PDGFRB: variants seen among roughly 807,000 people sequenced by gnomAD.
PDGFRB encodes the protein platelet derived growth factor receptor beta, also known as platelet-derived growth factor receptor beta.
In PDGFRB, 42 loss-of-function variants were observed where a neutral mutation model predicts 120.2. The ratio of observed to expected loss-of-function variants is 0.35; its 90% CI spans 0.27 to 0.45. PDGFRB has a LOEUF of 0.45. PDGFRB is among the 20% of genes least tolerant of loss of function. The pLI, the probability that PDGFRB is intolerant of heterozygous loss-of-function variation, is 1.00. For missense variants in PDGFRB, 1,149 were observed against 1,476.3 expected (o/e 0.78, Z 3.63); for synonymous variants, 586 against 606.8 (o/e 0.97, Z 0.50).
chr5:150,139,764 G>A (rs551703797), intron 1 of PDGFRB, among the ~76,000 whole-genome samples: 1 of 152,078 alleles, frequency 6.6e-6, no homozygotes, highest in Non-Finnish European at 1.5e-5. Flanking sequence ...GGCGGATCAC[G>A]AGGTTGAGAG....
intron 9 of PDGFRB, 52 bp from the exon 10 acceptor site, chr5:150,130,020 G>T: frequency 1.5e-6 from 2 of 1,371,302 alleles, no homozygotes; most frequent in South Asian, 1.2e-5. Context: ...CTTGCAGACA[G>T]GGAAACTGAG....
At position 150,114,265 on chromosome 5, in the gene PDGFRB, T is replaced by TG. The variant is rs1759850805; in HGVS notation, c.*1497dup. The TG allele has an allele frequency of 4.3e-6, 1 of 233,076 alleles. No individual in the cohort carries two copies. The highest frequency in any genetic ancestry group is 2.2e-5 in the African/African-American group (1 of 45,356). 14.4% of individuals were successfully genotyped at this position (233,076 alleles called of 1,614,324 possible). A position where few individuals can be genotyped will look rare whatever the true frequency, so the allele number is the denominator to read the frequency against. On this transcript the variant is annotated 3_prime_UTR_variant, in exon 23 of 23. Transcript: ENST00000261799. ...CCCCCATGGAGCGCTGCCTCAGGGATGGGGCAGCTGGTGGGTGAGGGGCAA... is the reference window on the plus strand; with the variant it reads ...CCCCCATGGAGCGCTGCCTCAGGGATGGGGGCAGCTGGTGGGTGAGGGGCAA...
chr5:150,148,217 C>T (rs1024045898), intron 1 of PDGFRB, among the ~76,000 whole-genome samples: 3 of 152,216 alleles, frequency 2.0e-5, no homozygotes, highest in African/African-American at 7.2e-5. Flanking sequence ...GAACTTTTGT[C>T]TTAGTCCTTT....
At position 150,124,878 on chromosome 5, in the gene PDGFRB, AC is replaced by A. The variant is rs58779301; in HGVS notation, c.1808-48del. 2,137 of 934,540 alleles carry A rather than the reference AC, an allele frequency of 2.3e-3. 36 individuals carry two copies. In the African/African-American group the frequency reaches 0.03, roughly 13 times the overall value. 57.9% of individuals were successfully genotyped at this position (934,540 alleles called of 1,614,324 possible). A position where few individuals can be genotyped will look rare whatever the true frequency, so the allele number is the denominator to read the frequency against. ...AGCTCCTGGCCTACCAGGAAGCTGC[AC>A]CGCTCCCCCAGCTGCCCCCCTCCCC... On this transcript the variant is annotated intron_variant, in intron 12 of 22. Transcript: ENST00000261799.
intron 15 of PDGFRB, 138 bp downstream of exon 15, chr5:150,122,904 G>T: frequency 1.3e-6 from 1 of 746,934 alleles, no homozygotes; most frequent in Non-Finnish European, 2.2e-6. Flanking sequence ...ACCATCTTGT[G>T]GAACAGCCCT....
rs750248892 is a variant in PDGFRB, at chr5:150,129,950, C to G, written c.1386G>C (p.Pro462=). Residue 462 remains proline, a synonymous_variant, in exon 10 of 23, where the codon CCG becomes CCC. Coordinates refer to ENST00000261799, the MANE Select transcript of PDGFRB (RefSeq NM_002609.4). ...RDLKRCPREL[P]PTLLGNSSEE... ...CGGAACTGTTCCCCAGCAGCGTGGGCGGCAGCTCACGTGGACACCTGCCAG... is the reference window on the plus strand; with the variant it reads ...CGGAACTGTTCCCCAGCAGCGTGGGGGGCAGCTCACGTGGACACCTGCCAG... 1.9e-6 allele frequency: 3 copies of G among 1,613,810 alleles called. No individual in the cohort carries two copies. Among genetic ancestry groups the G allele is most frequent in the South Asian group, 2.2e-5 (2 of 91,086 alleles).
intron 9 of PDGFRB, 41 bp from the exon 10 acceptor site, chr5:150,130,009 C>G (rs2113903195): frequency 6.7e-7 from 1 of 1,489,490 alleles, no homozygotes; most frequent in Non-Finnish European, 9.3e-7. Flanking sequence ...AGCCCCTTCC[C>G]CTTGCAGACA....
At chr5:150,147,369 G>C (rs538908748) in intron 1 of PDGFRB, among the ~76,000 whole-genome samples, 9 of 152,344 alleles carry the variant, frequency 5.9e-5, no homozygotes, top group Middle Eastern at 3.4e-3. Context: ...AGACTGAGGA[G>C]GGGGGTGCGG....
chr5:150,133,126 A>G lies in PDGFRB; in HGVS notation c.935-184T>C, dbSNP rs181066780. 3.9e-5 allele frequency among the ~76,000 whole-genome samples: 6 copies of G among 152,220 alleles called. No homozygotes were observed. In the East Asian group the frequency reaches 1.2e-3, roughly 29 times the overall value. ...AGAAGGGGCCGAATTTGGGGCTAAT[A>G]TGGATGCTGGGGCCAGCTCCCAGGT... On this transcript the variant is annotated intron_variant, in intron 6 of 22. Coordinates refer to ENST00000261799, the MANE Select transcript of PDGFRB (RefSeq NM_002609.4).
chr5:150,145,059 C>T (rs537042602), intron 1 of PDGFRB, among the ~76,000 whole-genome samples: 32 of 152,352 alleles, frequency 2.1e-4, no homozygotes, highest in African/African-American at 7.2e-4. Flanking sequence ...TCCCACCCTT[C>T]CACTCCTCCA....
chr5:150,136,281 C>A (rs1372664474), intron 2 of PDGFRB, among the ~76,000 whole-genome samples: 3 of 152,174 alleles, frequency 2.0e-5, no homozygotes, highest in Non-Finnish European at 2.9e-5. Context: ...CTGCCCAAGG[C>A]CCAGAGGTGG....
Position 150,132,697 on chromosome 5 carries a change from C to T in PDGFRB, c.1127+53G>A, listed in dbSNP as rs371592929. 3.9e-5 allele frequency: 60 copies of T among 1,529,482 alleles called. 1 individual carries two copies. Among genetic ancestry groups the T allele is most frequent in the East Asian group, 3.2e-4 (14 of 43,240 alleles). The allele number at this position is 1,529,482 out of a possible 1,614,324, so 94.7% of individuals were successfully genotyped here. Reference sequence around the variant, plus strand: ...TGGCTGAAAGCCGAGGGCTGCCTGGCGGCTGCAAAGAAAAATAACTTCAAG... The same window carrying T: ...TGGCTGAAAGCCGAGGGCTGCCTGGTGGCTGCAAAGAAAAATAACTTCAAG... On this transcript the variant is annotated intron_variant, in intron 7 of 22. Coordinates refer to ENST00000261799, the MANE Select transcript of PDGFRB (RefSeq NM_002609.4). The surrounding 1 kb of genome is among the most constrained non-coding windows in gnomAD (Gnocchi z 5.0).
At chr5:150,129,486 G>T (rs902885626) in intron 10 of PDGFRB, among the ~76,000 whole-genome samples, 1 of 152,178 alleles carries the variant, frequency 6.6e-6, no homozygotes, top group South Asian at 2.1e-4. Context: ...TCATGTACAT[G>T]GCTTACGACA....
chr5:150,121,229 C>T lies in PDGFRB; in HGVS notation c.2438G>A (p.Gly813Asp), dbSNP rs1480906257. 6.3e-7 allele frequency: 1 copy of T among 1,586,842 alleles called. No individual in the cohort carries two copies. The highest frequency in any genetic ancestry group is 2.2e-5 in the East Asian group (1 of 44,742). ...GTTCTTGGAGGCCAGAAACTCCATG[C>T]CATTGGCCACCTGGTAGCTGAAGCC... Reference protein sequence around the residue: ...LVGFSYQVANGMEFLASKNCV... With the variant: ...LVGFSYQVANDMEFLASKNCV... The change falls in exon 17 of 23, where the codon GGC becomes GAC. Residue 813 changes from glycine to aspartate, a missense_variant. Coordinates refer to ENST00000261799, the MANE Select transcript of PDGFRB (RefSeq NM_002609.4). This position sits in a 1 kb window ranked among gnomAD's most constrained non-coding sequence, Gnocchi z 4.1.
intron 1 of PDGFRB, among the ~76,000 whole-genome samples, chr5:150,154,911 T>A (rs1374898839): frequency 6.6e-6 from 1 of 152,182 alleles, no homozygotes; most frequent in East Asian, 1.9e-4. Flanking sequence ...GCAAATCCAT[T>A]TAAATCCCCA....
chr5:150,155,462 GTCC>G lies in PDGFRB; in HGVS notation c.-75_-73del. 5.0e-6 allele frequency: 2 copies of G among 397,930 alleles called. No homozygotes were observed. Among genetic ancestry groups the G allele is most frequent in the Non-Finnish European group, 8.8e-6 (2 of 226,008 alleles). The allele number at this position is 397,930 out of a possible 1,614,324, so 24.6% of individuals were successfully genotyped here. ...TCTGGACAGTCACCCCCTCCAGGAA[GTCC>G]TCCTTACTGCCCTCTCCCAGTTATC... On this transcript the variant is annotated 5_prime_UTR_variant, in exon 1 of 23. Transcript: ENST00000261799.
rs1175963719 is a variant in PDGFRB at position 150,132,434 on chromosome 5, G to A, written c.1127+316C>T. On this transcript the variant is annotated intron_variant, in intron 7 of 22. Coordinates refer to ENST00000261799, the MANE Select transcript of PDGFRB (RefSeq NM_002609.4). This position sits in a 1 kb window ranked among gnomAD's most constrained non-coding sequence, Gnocchi z 5.0. ...ATCTCCAGCCTCAGGGATACCACAG[G>A]CCATGAGTGGCCTGCCTGGCACCCT... Among the ~76,000 whole-genome samples the A allele has an allele frequency of 1.3e-5, 2 of 152,196 alleles. No homozygotes were observed. Among genetic ancestry groups the A allele is most frequent in the Non-Finnish European group, 2.9e-5 (2 of 68,032 alleles).
At chr5:150,143,756 G>C (rs1205430040) in intron 1 of PDGFRB, among the ~76,000 whole-genome samples, 3 of 152,088 alleles carry the variant, frequency 2.0e-5, no homozygotes, top group African/African-American at 7.2e-5. Flanking sequence ...CAGGTGGAGG[G>C]GAGAAACTGG....
Position 150,120,623 on chromosome 5 carries a change from C to T in PDGFRB, c.2586+265G>A, listed in dbSNP as rs541820807. 9.8e-5 allele frequency among the ~76,000 whole-genome samples: 15 copies of T among 152,316 alleles called. No homozygotes were observed. Among genetic ancestry groups the T allele is most frequent in the Middle Eastern group, 3.4e-3 (1 of 294 alleles). On this transcript the variant is annotated intron_variant, in intron 18 of 22. Coordinates refer to ENST00000261799, the MANE Select transcript of PDGFRB (RefSeq NM_002609.4). The surrounding 1 kb of genome is among the most constrained non-coding windows in gnomAD (Gnocchi z 4.3). ...CCCACCACCACTGGAACAACACATTCGGCCTGTTCCCCCTTCCCCCACCCT... is the reference window on the plus strand; with the variant it reads ...CCCACCACCACTGGAACAACACATTTGGCCTGTTCCCCCTTCCCCCACCCT...
Sources: gnomAD v4.1 joint callset for allele counts (sites outside exome capture counted in the v4.1 genomes callset) on GRCh38, gnomAD v4.1.1 for gene constraint, Gnocchi (gnomAD v3.1) non-coding constraint, MANE v1.5 for transcripts, NCBI Gene and HGNC (gene_info 2026-07-23, HGNC 2026-07-21) for gene names.